RBFOX1: variants seen among roughly 807,000 people sequenced by gnomAD.
The protein encoded by RBFOX1 is RNA binding protein fox-1 homolog 1.
RBFOX1 carries 8 observed loss-of-function variants against 57.7 expected under a neutral mutation model. The ratio of observed to expected loss-of-function variants is 0.14; its 90% CI spans 0.08 to 0.25. RBFOX1 has a LOEUF of 0.25. Ranked by LOEUF, RBFOX1 falls within the 10% of genes least tolerant of loss-of-function variation. The probability of loss-of-function intolerance (pLI) is 1.00; values close to 1 mark genes in which losing one functional copy is unlikely to be tolerated. For synonymous variants in RBFOX1, 326 were observed against 222.4 expected (o/e 1.47, Z -4.15); for missense variants, 611 against 548.5 (o/e 1.11, Z -1.14).
At chr16:6,127,239 A>G (rs2096596440) in intron 1 of RBFOX1, among the ~76,000 whole-genome samples, 1 of 152,120 alleles carries the variant, frequency 6.6e-6, no homozygotes, top group Non-Finnish European at 1.5e-5. Flanking sequence ...AAACAGCAGA[A>G]CAAACCTATT....
chr16:6,811,038 A>C (rs947145971), intron 3 of RBFOX1, among the ~76,000 whole-genome samples: 2 of 152,192 alleles, frequency 1.3e-5, no homozygotes, highest in Non-Finnish European at 2.9e-5. Context: ...AGAAAAACTG[A>C]TGATGATAAG....
At position 6,060,122 on chromosome 16, in the gene RBFOX1, G is replaced by GTTTTTTGTTTTTTTT. The variant is rs1567355465; in HGVS notation, c.-127+40136_-127+40137insGTTTTTTTTTTTTTT. On this transcript the variant is annotated intron_variant, in intron 1 of 15. Transcript: ENST00000550418. ...ATTTGGCCCTAAAATTAGGATTAGG[G>GTTTTTTGTTTTTTTT]TTTTTTTTTTTTTTTTTTTTTTTTT... Among the ~76,000 whole-genome samples, 15 of 114,210 alleles carry GTTTTTTGTTTTTTTT rather than the reference G, an allele frequency of 1.3e-4. 2 individuals carry two copies. In the East Asian group the frequency reaches 1.3e-3, roughly 10 times the overall value. The allele number at this position is 114,210 out of a possible 152,430, so 74.9% of individuals were successfully genotyped here.
intron 5 of RBFOX1, among the ~76,000 whole-genome samples, chr16:7,543,661 C>G (rs2083565239): frequency 7.0e-6 from 1 of 143,360 alleles, no homozygotes. Context: ...CCATGCTGGG[C>G]AGTATCTGTG....
At chr16:6,676,292 G>T (rs146926662) in intron 3 of RBFOX1, among the ~76,000 whole-genome samples, 1 of 152,124 alleles carries the variant, frequency 6.6e-6, no homozygotes, top group African/African-American at 2.4e-5. Context: ...GGTGTGTGGA[G>T]AAAGTGGATA....
chr16:6,205,654 A>G (rs957749901), intron 1 of RBFOX1, among the ~76,000 whole-genome samples: 2 of 151,930 alleles, frequency 1.3e-5, no homozygotes, highest in Admixed American at 1.3e-4. Context: ...TATTTCAATC[A>G]TATTTTGCTT....
At chr16:5,369,367 G>A (rs912731529) in intron 1 of RBFOX1, among the ~76,000 whole-genome samples, 1 of 152,190 alleles carries the variant, frequency 6.6e-6, no homozygotes, top group African/African-American at 2.4e-5. Flanking sequence ...TTATCCTCGT[G>A]ATGTCTCTAA....
chr16:5,354,163 G>A (rs1035734339), intron 1 of RBFOX1, among the ~76,000 whole-genome samples: 4 of 152,212 alleles, frequency 2.6e-5, no homozygotes, highest in Non-Finnish European at 5.9e-5. Flanking sequence ...CCTTGAGCCA[G>A]GCAGGTGCAC....
chr16:7,144,962 G>C lies in RBFOX1; in HGVS notation c.27+92864G>C, dbSNP rs144694522. 2.6e-3 allele frequency among the ~76,000 whole-genome samples: 394 copies of C among 152,200 alleles called. 4 individuals carry two copies. Among genetic ancestry groups the C allele is most frequent in the African/African-American group, 8.7e-3 (362 of 41,544 alleles). On this transcript the variant is annotated intron_variant, in intron 4 of 15. Transcript: ENST00000550418. ...AGTCAGCCCCTCTCCCCCTCCCCCA[G>C]TGGAGTGCAGGGAGATAAGAATTCT...
intron 3 of RBFOX1, among the ~76,000 whole-genome samples, chr16:6,655,104 T>A (rs958244010): frequency 6.6e-6 from 1 of 151,364 alleles, no homozygotes; most frequent in Admixed American, 6.6e-5. Context: ...CCAGGTGTGG[T>A]GGCTCATGCC....
At chr16:7,605,286 T>C (rs899084396) in intron 9 of RBFOX1, among the ~76,000 whole-genome samples, 2 of 152,180 alleles carry the variant, frequency 1.3e-5, no homozygotes, top group Non-Finnish European at 1.5e-5. Context: ...GAAATTCTTA[T>C]AAGGCAAGAT....
At chr16:6,225,798 T>A (rs2097412570) in intron 1 of RBFOX1, among the ~76,000 whole-genome samples, 1 of 152,206 alleles carries the variant, frequency 6.6e-6, no homozygotes, top group Admixed American at 6.5e-5. Context: ...CCTACTAGCC[T>A]AGGAGACATG....
At chr16:7,637,307 G>T (rs1007000968) in intron 11 of RBFOX1, among the ~76,000 whole-genome samples, 1 of 151,834 alleles carries the variant, frequency 6.6e-6, no homozygotes, top group Non-Finnish European at 1.5e-5. Flanking sequence ...AGATATCATG[G>T]GCAAATGCTT....
At position 5,536,228 on chromosome 16, in the gene RBFOX1, C is replaced by CTT. The variant is rs57061495; in HGVS notation, c.259-62649_259-62648dup. Among the ~76,000 whole-genome samples, 515 of 103,512 alleles carry CTT rather than the reference C, an allele frequency of 5.0e-3. 56 individuals are homozygous for CTT. The highest frequency in any genetic ancestry group is 0.019 in the African/African-American group (481 of 24,988). The allele number at this position is 103,512 out of a possible 152,430, so 67.9% of individuals were successfully genotyped here. A position where few individuals can be genotyped will look rare whatever the true frequency, so the allele number is the denominator to read the frequency against. On this transcript the variant is annotated intron_variant, in intron 2 of 2. Coordinates refer to the RBFOX1 transcript ENST00000585867. ...AGTGCTTTGCTTGGAAATCTCCTGTCTTTTTTTTTTTTTTTTTTTTTTTTT... is the reference window on the plus strand; with the variant it reads ...AGTGCTTTGCTTGGAAATCTCCTGTCTTTTTTTTTTTTTTTTTTTTTTTTTTT...
chr16:6,551,253 A>G (rs112574123), intron 2 of RBFOX1, among the ~76,000 whole-genome samples: 2,796 of 152,276 alleles, frequency 0.018, 87 homozygotes, highest in African/African-American at 0.063. Flanking sequence ...GACACATGTA[A>G]TGAGTAAATA....
chr16:6,882,144 C>G (rs140625462), intron 3 of RBFOX1, among the ~76,000 whole-genome samples: 4 of 152,246 alleles, frequency 2.6e-5, no homozygotes, highest in African/African-American at 9.6e-5. Flanking sequence ...TGCTGATGGT[C>G]TTAGATGCCT....
intron 4 of RBFOX1, among the ~76,000 whole-genome samples, chr16:7,116,925 T>A (rs905682334): frequency 6.6e-6 from 1 of 152,002 alleles, no homozygotes; most frequent in Non-Finnish European, 1.5e-5. Context: ...AAGTTTGGGG[T>A]TCTTTGGGAG....
At chr16:6,915,458 A>T (rs923574239) in intron 3 of RBFOX1, among the ~76,000 whole-genome samples, 1 of 152,132 alleles carries the variant, frequency 6.6e-6, no homozygotes, top group African/African-American at 2.4e-5. Flanking sequence ...ACTTTTCAAA[A>T]ATTATTCCTT....
intron 1 of RBFOX1, among the ~76,000 whole-genome samples, chr16:6,119,926 C>G (rs568821964): frequency 6.6e-6 from 1 of 152,322 alleles, no homozygotes; most frequent in African/African-American, 2.4e-5. Flanking sequence ...ATCCAGTAAG[C>G]AGTCACTCTT....
intron 1 of RBFOX1, among the ~76,000 whole-genome samples, chr16:6,110,757 C>G (rs1020029351): frequency 2.0e-5 from 3 of 152,142 alleles, no homozygotes. Flanking sequence ...CCAGAGGACA[C>G]TAGGCCATGC....
Sources: gnomAD v4.1 joint callset for allele counts (sites outside exome capture counted in the v4.1 genomes callset) on GRCh38, gnomAD v4.1.1 for gene constraint, MANE v1.5 for transcripts, NCBI Gene and HGNC (gene_info 2026-07-23, HGNC 2026-07-21) for gene names.